Variants in CDH13 observed in about 807,000 individuals in gnomAD.
The protein encoded by CDH13 is cadherin 13, also known as cadherin-13.
A neutral mutation model predicts 63.8 loss-of-function variants in CDH13; 24 were observed. The observed-to-expected ratio is 0.38, with a 90% CI of 0.27 to 0.53. CDH13 has a LOEUF of 0.53. CDH13 is among the 20% of genes least tolerant of loss of function. The pLI, the probability that CDH13 is intolerant of heterozygous loss-of-function variation, is 0.85. For synonymous variants in CDH13, 503 were observed against 355.3 expected (o/e 1.42, Z -4.67); for missense variants, 1,049 against 903.1 (o/e 1.16, Z -2.07).
chr16:82,775,746 C>T (rs2035465605), intron 1 of CDH13, among the ~76,000 whole-genome samples: 1 of 152,178 alleles, frequency 6.6e-6, no homozygotes, highest in African/African-American at 2.4e-5. Flanking sequence ...TTGGGTAAAG[C>T]TCTGAGCACA....
chr16:82,858,950 A>C (rs949816051), intron 2 of CDH13: 1 of 160,498 alleles, frequency 6.2e-6, no homozygotes, highest in Admixed American at 6.4e-5. Context: ...GGCTAATAAG[A>C]TGGGTTTTAG....
chr16:83,519,892 A>T (rs2074789797), intron 7 of CDH13, among the ~76,000 whole-genome samples: 1 of 152,140 alleles, frequency 6.6e-6, no homozygotes, highest in Admixed American at 6.5e-5. Context: ...GTCGCAGATG[A>T]TCAGAAAGGA....
intron 3 of CDH13, among the ~76,000 whole-genome samples, chr16:83,090,585 A>T (rs1439563022): frequency 6.6e-6 from 1 of 151,590 alleles, no homozygotes. Flanking sequence ...AAAAAAAAAA[A>T]AAAAATAAGT....
At chr16:83,170,964 A>C (rs1436878499) in intron 4 of CDH13, among the ~76,000 whole-genome samples, 4 of 151,494 alleles carry the variant, frequency 2.6e-5, no homozygotes, top group Non-Finnish European at 5.9e-5. Flanking sequence ...CCTCTACTCA[A>C]CCTCCCCATC....
intron 6 of CDH13, among the ~76,000 whole-genome samples, chr16:83,437,850 G>A (rs1280674996): frequency 1.3e-5 from 2 of 152,202 alleles, no homozygotes; most frequent in East Asian, 3.9e-4. Flanking sequence ...ATTCAACTTA[G>A]GAGAAAAAGC....
chr16:83,041,746 A>G lies in CDH13; in HGVS notation c.366+9528A>G, dbSNP rs201616395. Among the ~76,000 whole-genome samples the G allele has an allele frequency of 6.6e-5, 10 of 152,340 alleles. No individual in the cohort carries two copies. The East Asian group carries it at 1.7e-3, about 26-fold the overall frequency. On this transcript the variant is annotated intron_variant, in intron 3 of 13. Coordinates refer to ENST00000567109, the MANE Select transcript of CDH13 (RefSeq NM_001257.5). ...GAAACGAATCACACATTTTTCAGCC[A>G]CATGATACTGAAAAGTTACGTAACT... is the stretch of plus-strand genomic sequence containing the variant.
At chr16:83,319,422 G>C (rs1308220459) in intron 5 of CDH13, among the ~76,000 whole-genome samples, 1 of 152,210 alleles carries the variant, frequency 6.6e-6, no homozygotes. Context: ...AGCAGCTGCA[G>C]CTATATCCAG....
chr16:83,080,370 A>T (rs1032283294), intron 3 of CDH13, among the ~76,000 whole-genome samples: 8 of 152,058 alleles, frequency 5.3e-5, no homozygotes, highest in Non-Finnish European at 1.5e-5. Flanking sequence ...CCTCATGCTC[A>T]CTCTTATGCC....
intron 10 of CDH13, among the ~76,000 whole-genome samples, chr16:83,681,607 C>T (rs1915410696): frequency 6.6e-6 from 1 of 152,136 alleles, no homozygotes; most frequent in Admixed American, 6.5e-5. Flanking sequence ...CTTTCTCTTT[C>T]TTCCCCTCCA....
At chr16:83,274,471 G>A (rs116563990) in intron 5 of CDH13, among the ~76,000 whole-genome samples, 2,154 of 152,210 alleles carry the variant, frequency 0.014, 43 homozygotes, top group African/African-American at 0.045. Context: ...AGTTATTCCA[G>A]CCTCCTGAAA....
intron 1 of CDH13, among the ~76,000 whole-genome samples, chr16:82,641,800 G>A (rs555744729): frequency 3.2e-4 from 49 of 152,240 alleles, no homozygotes; most frequent in African/African-American, 1.2e-3. Context: ...AGTAAGACAG[G>A]CCAAGTCCCT....
intron 5 of CDH13, among the ~76,000 whole-genome samples, chr16:83,289,232 A>C (rs1296541927): frequency 1.3e-5 from 2 of 152,232 alleles, no homozygotes; most frequent in East Asian, 3.8e-4. Flanking sequence ...TACATAACCC[A>C]ACCTGGGACC....
intron 7 of CDH13, among the ~76,000 whole-genome samples, chr16:83,522,306 T>C (rs150274602): frequency 5.8e-4 from 88 of 152,356 alleles, no homozygotes; most frequent in African/African-American, 1.9e-3. Context: ...TAAAGTCATG[T>C]ATTATTCACT....
chr16:82,874,307 A>C (rs2040435530), intron 2 of CDH13, among the ~76,000 whole-genome samples: 1 of 152,164 alleles, frequency 6.6e-6, no homozygotes, highest in Admixed American at 6.5e-5. Context: ...GAAAAGTTGC[A>C]AACCTTAGTC....
chr16:82,995,853 G>T (rs1912149878), intron 2 of CDH13, among the ~76,000 whole-genome samples: 1 of 152,128 alleles, frequency 6.6e-6, no homozygotes, highest in Admixed American at 6.5e-5. Context: ...CCTCTCGCGG[G>T]CTGCTGGGGA....
chr16:83,218,550 G>A (rs1463243074), intron 5 of CDH13, among the ~76,000 whole-genome samples: 3 of 152,204 alleles, frequency 2.0e-5, no homozygotes, highest in Non-Finnish European at 2.9e-5. Flanking sequence ...AACCAGAGGT[G>A]ACCTGGCAGC....
chr16:83,646,725 A>ACACC (rs1446780928), intron 8 of CDH13, among the ~76,000 whole-genome samples: 1 of 146,154 alleles, frequency 6.8e-6, no homozygotes, highest in Non-Finnish European at 1.5e-5. Flanking sequence ...ACACACACAC[A>ACACC]CACACACACA....
chr16:83,107,734 GT>G (rs111272961), intron 3 of CDH13, among the ~76,000 whole-genome samples: 15,062 of 137,322 alleles, frequency 0.11, 806 homozygotes, highest in African/African-American at 0.16. Flanking sequence ...TTTTAGGTGG[GT>G]TTTTTTTTTT....
At chr16:82,680,846 C>A (rs1033697147) in intron 1 of CDH13, among the ~76,000 whole-genome samples, 4 of 152,132 alleles carry the variant, frequency 2.6e-5, no homozygotes, top group Admixed American at 6.5e-5. Context: ...GTGGAGAGGA[C>A]CGCCTAACCT....
Sources: allele counts gnomAD v4.1 joint callset (sites outside exome capture counted in the v4.1 genomes callset), GRCh38; gene constraint gnomAD v4.1.1; transcripts MANE v1.5; gene names NCBI Gene and HGNC (gene_info 2026-07-23, HGNC 2026-07-21).